DERA: variants seen among roughly 807,000 people sequenced by gnomAD.
DERA encodes the protein deoxyribose-phosphate aldolase, also known as 2-deoxy-D-ribose 5-phosphate aldolase.
DERA carries 15 observed loss-of-function variants against 41.1 expected under a neutral mutation model. The ratio of observed to expected loss-of-function variants is 0.37; its 90% CI spans 0.24 to 0.56. The LOEUF is 0.56. Among genes scored for constraint, DERA ranks in the 20% least tolerant of loss-of-function variants. The pLI, the probability that DERA is intolerant of heterozygous loss-of-function variation, is 0.81. For missense variants in DERA, 396 were observed against 403.4 expected (o/e 0.98, Z 0.16); for synonymous variants, 139 against 137.4 (o/e 1.01, Z -0.08).
chr12:16,009,786 A>C lies in DERA; in HGVS notation c.638-22756A>C, dbSNP rs753221704. On this transcript the variant is annotated intron_variant, in intron 6 of 8. Coordinates refer to ENST00000428559, the MANE Select transcript of DERA (RefSeq NM_015954.4). The surrounding 1 kb of genome is among the most constrained non-coding windows in gnomAD (Gnocchi z 5.3). ...ACATGTACTCTAAGGGGAGGAAATA[A>C]ATGCCACACTCAAAGCAATTATACA... 6.6e-6 allele frequency among the ~76,000 whole-genome samples: 1 copy of C among 152,236 alleles called. No individual in the cohort carries two copies. The highest frequency in any genetic ancestry group is 1.5e-5 in the Non-Finnish European group (1 of 68,044).
rs905680477 is a variant in DERA, at chr12:15,938,367, C to A, written c.32-18569C>A. On this transcript the variant is annotated intron_variant, in intron 1 of 8. Transcript: ENST00000428559. This position sits in a 1 kb window ranked among gnomAD's most constrained non-coding sequence, Gnocchi z 4.1. ...CTGTTCAAGAGAAAATAGTTCCATT[C>A]AAACAGTAAAAAATTCATTCTAACA... Among the ~76,000 whole-genome samples the A allele has an allele frequency of 6.6e-6, 1 of 152,076 alleles. No homozygotes were observed. Among genetic ancestry groups the A allele is most frequent in the African/African-American group, 2.4e-5 (1 of 41,396 alleles).
chr12:15,968,683 A>T (rs1948640241), intron 5 of DERA, among the ~76,000 whole-genome samples: 1 of 152,216 alleles, frequency 6.6e-6, no homozygotes, highest in Non-Finnish European at 1.5e-5. Context: ...TAAAGTGGAG[A>T]TAATGACATC....
intron 6 of DERA, among the ~76,000 whole-genome samples, chr12:16,002,064 A>C (rs867042607): frequency 1.3e-5 from 2 of 152,034 alleles, no homozygotes; most frequent in Non-Finnish European, 2.9e-5. Flanking sequence ...TACATGTGCC[A>C]TGTTGGTGTG....
At chr12:15,991,562 A>C (rs1036167653) in intron 6 of DERA, among the ~76,000 whole-genome samples, 3 of 152,194 alleles carry the variant, frequency 2.0e-5, no homozygotes, top group Non-Finnish European at 4.4e-5. Flanking sequence ...AGCAGCTGTA[A>C]TTATCCAGAA....
Position 15,911,631 on chromosome 12 carries a change from T to C in DERA, c.31+217T>C. ...CTTTGCACCTAAGCTTTTACTCTTGTATGCGGAAGGAGTAGGAAAGGGTTA... is the reference window on the plus strand; with the variant it reads ...CTTTGCACCTAAGCTTTTACTCTTGCATGCGGAAGGAGTAGGAAAGGGTTA... On this transcript the variant is annotated intron_variant, in intron 1 of 8. Coordinates refer to ENST00000428559, the MANE Select transcript of DERA (RefSeq NM_015954.4). The surrounding 1 kb of genome is among the most constrained non-coding windows in gnomAD (Gnocchi z 4.5). The C allele has an allele frequency of 1.4e-6, 1 of 697,146 alleles. No homozygotes were observed. Among genetic ancestry groups the C allele is most frequent in the Non-Finnish European group, 2.6e-6 (1 of 382,564 alleles). 43.2% of individuals were successfully genotyped at this position (697,146 alleles called of 1,614,324 possible).
rs374913198 is a variant in DERA, at chr12:16,020,044, C to G, written c.638-12498C>G. Reference sequence around the variant, plus strand: ...ACTCTCGCCATCTGACATGCCTGCTCTCTTTGCTTTCTGCTGTGATTGTAA... The same window carrying G: ...ACTCTCGCCATCTGACATGCCTGCTGTCTTTGCTTTCTGCTGTGATTGTAA... On this transcript the variant is annotated intron_variant, in intron 6 of 8. Transcript: ENST00000428559. The surrounding 1 kb of genome is among the most constrained non-coding windows in gnomAD (Gnocchi z 5.5). Among the ~76,000 whole-genome samples, 1 of 152,322 alleles carries G rather than the reference C, an allele frequency of 6.6e-6. No homozygotes were observed. Among genetic ancestry groups the G allele is most frequent in the East Asian group, 1.9e-4 (1 of 5,188 alleles).
At position 15,989,074 on chromosome 12, in the gene DERA, T is replaced by G. The variant is rs1948784921; in HGVS notation, c.637+6638T>G. On this transcript the variant is annotated intron_variant, in intron 6 of 8. Transcript: ENST00000428559. The surrounding 1 kb of genome is among the most constrained non-coding windows in gnomAD (Gnocchi z 5.2). ...TTCTGAGCCTGCAGGGGTAGAGGGC[T>G]TCCCAGGCTTCTAAGAGCACAGGAA... Among the ~76,000 whole-genome samples, 1 of 152,174 alleles carries G rather than the reference T, an allele frequency of 6.6e-6. No individual in the cohort carries two copies. The highest frequency in any genetic ancestry group is 6.5e-5 in the Admixed American group (1 of 15,290).
At chr12:15,956,845 A>T (rs1444993269) in intron 1 of DERA, 91 bp from the exon 2 acceptor site, 1 of 943,426 alleles carries the variant, frequency 1.1e-6, no homozygotes, top group African/African-American at 1.6e-5. Flanking sequence ...ATGTCAAATG[A>T]TAAATGTATC....
chr12:15,949,698 C>T (rs1331152200), intron 1 of DERA, among the ~76,000 whole-genome samples: 4 of 152,116 alleles, frequency 2.6e-5, no homozygotes, highest in Admixed American at 2.6e-4. Flanking sequence ...TGGGCTGCAC[C>T]CACTGTCCTG....
At chr12:16,005,953 A>G (rs771379818) in intron 6 of DERA, among the ~76,000 whole-genome samples, 2 of 152,146 alleles carry the variant, frequency 1.3e-5, no homozygotes, top group Admixed American at 6.5e-5. Flanking sequence ...CTTCCTTACA[A>G]TCTCTTTAAA....
Position 15,972,017 on chromosome 12 carries a change from G to C in DERA, c.508+9070G>C, listed in dbSNP as rs2045871. On this transcript the variant is annotated intron_variant, in intron 5 of 8. Coordinates refer to ENST00000428559, the MANE Select transcript of DERA (RefSeq NM_015954.4). This position sits in a 1 kb window ranked among gnomAD's most constrained non-coding sequence, Gnocchi z 4.4. Reference sequence around the variant, plus strand: ...TGGTCTCATAGGAAGACAGCACCTCGTGTAGCTTCCTGCGATCTGACCAGG... The same window carrying C: ...TGGTCTCATAGGAAGACAGCACCTCCTGTAGCTTCCTGCGATCTGACCAGG... 107,119 of 171,502 alleles carry C rather than the reference G, an allele frequency of 0.62. 33,882 individuals are homozygous for C. The highest frequency in any genetic ancestry group is 0.82 in the East Asian group (4,500 of 5,486). The allele number at this position is 171,502 out of a possible 1,614,324, so 10.6% of individuals were successfully genotyped here. A position where few individuals can be genotyped will look rare whatever the true frequency, so the allele number is the denominator to read the frequency against.
At chr12:15,946,694 T>A (rs529570962) in intron 1 of DERA, among the ~76,000 whole-genome samples, 1 of 152,292 alleles carries the variant, frequency 6.6e-6, no homozygotes, top group South Asian at 2.1e-4. Flanking sequence ...ATTCATTGAT[T>A]TTTCGAAGGG....
chr12:16,036,858 C>G lies in DERA; in HGVS notation c.*112C>G. The G allele has an allele frequency of 1.3e-6, 1 of 769,574 alleles. No individual in the cohort carries two copies. Among genetic ancestry groups the G allele is most frequent in the South Asian group, 1.7e-5 (1 of 58,808 alleles). The allele number at this position is 769,574 out of a possible 1,614,324, so 47.7% of individuals were successfully genotyped here. A position where few individuals can be genotyped will look rare whatever the true frequency, so the allele number is the denominator to read the frequency against. ...ATTGGGCAGTAGGTAACTGGCATTC[C>G]TCTCTTTAAAATTTCTACCGAACTT... On this transcript the variant is annotated 3_prime_UTR_variant, in exon 9 of 9. Transcript: ENST00000428559. The surrounding 1 kb of genome is among the most constrained non-coding windows in gnomAD (Gnocchi z 4.9).
At chr12:15,961,879 G>C (rs1948590667) in intron 4 of DERA, among the ~76,000 whole-genome samples, 1 of 152,136 alleles carries the variant, frequency 6.6e-6, no homozygotes, top group South Asian at 2.1e-4. Context: ...AAGTAGCTAG[G>C]GCTACAGGTG....
In DERA at chr12:16,020,950, C is replaced by T. The variant is rs1443822323; in HGVS notation, c.638-11592C>T. Among the ~76,000 whole-genome samples the T allele has an allele frequency of 6.6e-6, 1 of 152,176 alleles. No homozygotes were observed. The highest frequency in any genetic ancestry group is 1.5e-5 in the Non-Finnish European group (1 of 68,026). Reference sequence around the variant, plus strand: ...ACTTCTAACAGCCTACAGTCACATGCTGGAGCAAAGGAATTACTTAATGTG... The same window carrying T: ...ACTTCTAACAGCCTACAGTCACATGTTGGAGCAAAGGAATTACTTAATGTG... On this transcript the variant is annotated intron_variant, in intron 6 of 8. Transcript: ENST00000428559. This position sits in a 1 kb window ranked among gnomAD's most constrained non-coding sequence, Gnocchi z 5.5.
chr12:15,958,413 C>A, intron 3 of DERA, 78 bp downstream of exon 3: 1 of 1,176,876 alleles, frequency 8.5e-7, no homozygotes, highest in Non-Finnish European at 1.1e-6. Flanking sequence ...ACTTAAGATA[C>A]AGCTGCTAAT....
In DERA at chr12:15,918,239, C is replaced by T. The variant is rs908463045; in HGVS notation, c.31+6825C>T. ...GTCCCCCACAGCAGGCTGCTGCCTA[C>T]ACAAATCTCCCTGTTACCTTAGTGT... On this transcript the variant is annotated intron_variant, in intron 1 of 8. Transcript: ENST00000428559. This position sits in a 1 kb window ranked among gnomAD's most constrained non-coding sequence, Gnocchi z 4.3. Among the ~76,000 whole-genome samples, 7 of 152,218 alleles carry T rather than the reference C, an allele frequency of 4.6e-5. No individual in the cohort carries two copies. The South Asian group carries it at 1.0e-3, about 22-fold the overall frequency.
At chr12:15,979,446 A>G (rs1948719011) in intron 5 of DERA, among the ~76,000 whole-genome samples, 1 of 152,238 alleles carries the variant, frequency 6.6e-6, no homozygotes, top group Admixed American at 6.5e-5. Context: ...CTCACTCTTT[A>G]AGATTCAAAG....
At chr12:16,016,280 C>A (rs1374904410) in intron 6 of DERA, among the ~76,000 whole-genome samples, 3 of 152,122 alleles carry the variant, frequency 2.0e-5, no homozygotes, top group African/African-American at 7.2e-5. Context: ...TCACATAACT[C>A]TCCTTCCTTG....
Sources: gnomAD v4.1 joint callset for allele counts (sites outside exome capture counted in the v4.1 genomes callset) on GRCh38, gnomAD v4.1.1 for gene constraint, Gnocchi (gnomAD v3.1) non-coding constraint, MANE v1.5 for transcripts, NCBI Gene and HGNC (gene_info 2026-07-23, HGNC 2026-07-21) for gene names.